GAS6: variants seen among roughly 807,000 people sequenced by gnomAD.
The protein encoded by GAS6 is growth arrest-specific protein 6.
A neutral mutation model predicts 75.8 loss-of-function variants in GAS6; 41 were observed. The ratio of observed to expected loss-of-function variants is 0.54; its 90% CI spans 0.42 to 0.70. The LOEUF is 0.70. Among genes scored for constraint, GAS6 ranks in the 30% least tolerant of loss-of-function variants. The pLI, the probability that GAS6 is intolerant of heterozygous loss-of-function variation, is 0.00. For missense variants in GAS6, 854 were observed against 940.2 expected (o/e 0.91, Z 1.20); for synonymous variants, 432 against 412.6 (o/e 1.05, Z -0.57).
chr13:113,820,793 G>A lies in GAS6; in HGVS notation c.*71C>T, dbSNP rs1460243114. 8 of 1,516,206 alleles carry A rather than the reference G, an allele frequency of 5.3e-6. No homozygotes were observed. The South Asian group carries it at 9.3e-5, about 18-fold the overall frequency. The allele number at this position is 1,516,206 out of a possible 1,614,324, so 93.9% of individuals were successfully genotyped here. On this transcript the variant is annotated 3_prime_UTR_variant, in exon 15 of 15. Transcript: ENST00000327773. ...CCAGCTCTCAGCATGGCCCCACGTGGTGAGGAGCCCCCAGGCTCCTCCCGG... is the reference window on the plus strand; with the variant it reads ...CCAGCTCTCAGCATGGCCCCACGTGATGAGGAGCCCCCAGGCTCCTCCCGG...
rs1293051086 is a variant in GAS6 at position 113,863,625 on chromosome 13, G to C, written c.205C>G (p.Leu69Val). The change falls in exon 2 of 15, where the codon CTG becomes GTG. Residue 69 changes from leucine (L) to valine (V), a missense_variant. Leu to Val is a conservative substitution (Grantham distance 32). Coordinates refer to ENST00000327773, the MANE Select transcript of GAS6 (RefSeq NM_000820.4). This position sits in a 1 kb window ranked among gnomAD's most constrained non-coding sequence, Gnocchi z 9.4. Reference protein sequence around the residue: ...GHLERECVEELCSREEAREVF... With the variant: ...GHLERECVEEVCSREEAREVF... ...TCCCGCGCCTCCTCGCGGCTGCACA[G>C]CTCCTCCACGCACTCCCTCTCCAGG... 1 of 1,527,022 alleles carries C rather than the reference G, an allele frequency of 6.5e-7. No individual in the cohort carries two copies. Among genetic ancestry groups the C allele is most frequent in the Non-Finnish European group, 8.8e-7 (1 of 1,136,924 alleles). 94.6% of individuals were successfully genotyped at this position (1,527,022 alleles called of 1,614,324 possible).
intron 4 of GAS6, chr13:113,842,529 C>A (rs939177477): frequency 2.5e-6 from 1 of 396,638 alleles, no homozygotes; most frequent in Non-Finnish European, 4.4e-6. Flanking sequence ...CGTCTGGAGA[C>A]GTCGATGTGG....
At chr13:113,839,923 G>C (rs1356352643) in intron 4 of GAS6, 73 bp from the exon 5 acceptor site, 3 of 1,605,836 alleles carry the variant, frequency 1.9e-6, no homozygotes, top group Non-Finnish European at 2.6e-6. Flanking sequence ...GCTGAGATCG[G>C]GGCGGCTGTG....
Position 113,826,987 on chromosome 13 carries a change from A to G in GAS6, c.1477+9T>C. The G allele has an allele frequency of 1.2e-6, 2 of 1,611,590 alleles. No individual in the cohort carries two copies. Among genetic ancestry groups the G allele is most frequent in the South Asian group, 2.2e-5 (2 of 91,006 alleles). On this transcript the variant is annotated intron_variant, in intron 12 of 14. Coordinates refer to ENST00000327773, the MANE Select transcript of GAS6 (RefSeq NM_000820.4). ...CACAGCCACCCCAACGGTAAGAGCCAAGACTTACTGTAGTCCAGGCTGTAG... is the reference window on the plus strand; with the variant it reads ...CACAGCCACCCCAACGGTAAGAGCCGAGACTTACTGTAGTCCAGGCTGTAG...
chr13:113,855,938 C>T (rs1454512396), intron 2 of GAS6, among the ~76,000 whole-genome samples: 1 of 152,348 alleles, frequency 6.6e-6, no homozygotes, highest in East Asian at 1.9e-4. Context: ...GTCACTTGGA[C>T]TCCTCCAGTG....
chr13:113,836,917 G>GAGGAGGAGAAGAAA, intron 6 of GAS6, among the ~76,000 whole-genome samples: 1 of 137,556 alleles, frequency 7.3e-6, no homozygotes, highest in Non-Finnish European at 1.6e-5. Flanking sequence ...GGAATGGTGG[G>GAGGAGGAGAAGAAA]GAGGAAGAGG....
chr13:113,837,672 C>T lies in GAS6; in HGVS notation c.589+397G>A, dbSNP rs532627988. On this transcript the variant is annotated intron_variant, in intron 6 of 14. Coordinates refer to ENST00000327773, the MANE Select transcript of GAS6 (RefSeq NM_000820.4). This position sits in a 1 kb window ranked among gnomAD's most constrained non-coding sequence, Gnocchi z 5.1. Reference sequence around the variant, plus strand: ...TTAGTGGACAGAGGGAGACCAACAACGGGGTGCTTCTGGGGATGCTGGGGA... The same window carrying T: ...TTAGTGGACAGAGGGAGACCAACAATGGGGTGCTTCTGGGGATGCTGGGGA... 2.0e-4 allele frequency among the ~76,000 whole-genome samples: 31 copies of T among 152,188 alleles called. No homozygotes were observed. The highest frequency in any genetic ancestry group is 6.7e-4 in the African/African-American group (28 of 41,524).
At position 113,839,723 on chromosome 13, in the gene GAS6, C is replaced by T. The variant is rs1467469658; in HGVS notation, c.466+5G>A. On this transcript the variant is annotated splice_donor_5th_base_variant and intron_variant, in intron 5 of 14. Coordinates refer to ENST00000327773, the MANE Select transcript of GAS6 (RefSeq NM_000820.4). ...GACCCCGCCTTTGTCTTCAGCCTCACGTACCTTTGTCGCAGAGCCGGCCCC... is the reference window on the plus strand; with the variant it reads ...GACCCCGCCTTTGTCTTCAGCCTCATGTACCTTTGTCGCAGAGCCGGCCCC... 7 of 1,613,526 alleles carry T rather than the reference C, an allele frequency of 4.3e-6. No individual in the cohort carries two copies. The highest frequency in any genetic ancestry group is 1.1e-5 in the South Asian group (1 of 91,082).
chr13:113,822,263 G>T, intron 13 of GAS6, 77 bp from the exon 14 acceptor site: 4 of 1,167,116 alleles, frequency 3.4e-6, no homozygotes, highest in Non-Finnish European at 4.7e-6. Context: ...GGTCCTCACA[G>T]CTGCTGGCCA....
intron 2 of GAS6, among the ~76,000 whole-genome samples, chr13:113,859,612 C>CTG (rs1237242148): frequency 3.3e-5 from 4 of 122,194 alleles, no homozygotes; most frequent in East Asian, 7.8e-4. Flanking sequence ...ATGTGTGTGC[C>CTG]TGTGTGTGTG....
intron 6 of GAS6, chr13:113,836,172 G>A: frequency 1.2e-5 from 5 of 431,984 alleles, no homozygotes; most frequent in South Asian, 2.2e-4. Context: ...AGTCACCAGA[G>A]GAGAGCAAAG....
intron 2 of GAS6, among the ~76,000 whole-genome samples, chr13:113,851,712 C>T (rs931175328): frequency 5.9e-5 from 9 of 152,134 alleles, no homozygotes; most frequent in Admixed American, 1.3e-4. Flanking sequence ...AGTGCAAGGG[C>T]CTGCAGTTTT....
chr13:113,851,657 G>T (rs577577244), intron 2 of GAS6, among the ~76,000 whole-genome samples: 1 of 152,258 alleles, frequency 6.6e-6, no homozygotes, highest in East Asian at 1.9e-4. Flanking sequence ...ATGGATAGTT[G>T]AATGAATGAG....
rs769326028 is a variant in GAS6 at position 113,828,675 on chromosome 13, T to C, written c.1180A>G (p.Lys394Glu). The C allele has an allele frequency of 6.2e-7, 1 of 1,613,498 alleles. No homozygotes were observed. Among genetic ancestry groups the C allele is most frequent in the Non-Finnish European group, 8.5e-7 (1 of 1,179,982 alleles). The change falls in exon 11 of 15, where the codon AAG (lysine) becomes GAG (glutamate). Residue 394 changes from lysine to glutamate, a missense_variant. Coordinates refer to ENST00000327773, the MANE Select transcript of GAS6 (RefSeq NM_000820.4). Reference sequence around the variant, plus strand: ...TTCATGACAGCATCCCTGTTGACCTTGATGACCAGATTCCGCGCCAGCTCC... The same window carrying C: ...TTCATGACAGCATCCCTGTTGACCTCGATGACCAGATTCCGCGCCAGCTCC... ...VEELARNLVI[K>E]VNRDAVMKIA...
rs973507082 is a variant in GAS6 at position 113,827,114 on chromosome 13, T to C, written c.1359A>G (p.Gly453=). The change falls in exon 12 of 15, where the codon GGA becomes GGG. Residue 453 remains glycine (G), a synonymous_variant. Coordinates refer to ENST00000327773, the MANE Select transcript of GAS6 (RefSeq NM_000820.4). The part of the protein sequence containing the change: ...GCMRSWNWLN[G]EDTTIQETVK... ...CCGTTTCCTGGATGGTGGTGTCTTC[T>C]CCGTTCAGCCAGTTCCAGCTCCTCA... 6.2e-7 allele frequency: 1 copy of C among 1,613,422 alleles called. No homozygotes were observed. Among genetic ancestry groups the C allele is most frequent in the Admixed American group, 1.7e-5 (1 of 60,014 alleles).
At chr13:113,859,974 T>C (rs1200176928) in intron 2 of GAS6, among the ~76,000 whole-genome samples, 1 of 152,102 alleles carries the variant, frequency 6.6e-6, no homozygotes, top group African/African-American at 2.4e-5. Context: ...CCATAAAGGG[T>C]ACCCCTTCCC....
At chr13:113,834,873 T>C in intron 7 of GAS6, 1 of 453,526 alleles carries the variant, frequency 2.2e-6, no homozygotes, top group Non-Finnish European at 3.7e-6. Flanking sequence ...CCCGGGCTCT[T>C]TCTTGAGGGA....
intron 2 of GAS6, among the ~76,000 whole-genome samples, chr13:113,858,961 T>G (rs1313743123): frequency 6.9e-6 from 1 of 144,002 alleles, no homozygotes; most frequent in African/African-American, 2.6e-5. Context: ...TGTACATGTC[T>G]GTGTGACTGT....
intron 4 of GAS6, among the ~76,000 whole-genome samples, chr13:113,846,246 G>A (rs745848283): frequency 1.3e-5 from 2 of 152,226 alleles, no homozygotes; most frequent in African/African-American, 4.8e-5. Context: ...CTGTAACTAC[G>A]GTGGTGTCTG....
Sources: allele counts gnomAD v4.1 joint callset (sites outside exome capture counted in the v4.1 genomes callset), GRCh38; gene constraint gnomAD v4.1.1; non-coding constraint Gnocchi (gnomAD v3.1); transcripts MANE v1.5; gene names NCBI Gene and HGNC (gene_info 2026-07-23, HGNC 2026-07-21).